Variants in MOB3B observed in about 807,000 individuals in gnomAD.
The protein encoded by MOB3B is MOB kinase activator-like 2B.
MOB3B carries 7 observed loss-of-function variants against 18.7 expected under a neutral mutation model. The observed-to-expected ratio is 0.37, with a 90% CI of 0.21 to 0.70. The LOEUF is 0.70. Among genes scored for constraint, MOB3B ranks in the 30% least tolerant of loss-of-function variants. MOB3B has a pLI of 0.52. For missense variants in MOB3B, 253 were observed against 281.3 expected (o/e 0.90, Z 0.72); for synonymous variants, 111 against 99.9 (o/e 1.11, Z -0.66).
chr9:27,354,391 T>A (rs1368433804), intron 3 of MOB3B, among the ~76,000 whole-genome samples: 1 of 152,224 alleles, frequency 6.6e-6, no homozygotes, highest in African/African-American at 2.4e-5. Context: ...GATTCAAGAT[T>A]TCCTGGGTGA....
chr9:27,346,127 T>C (rs542189572), intron 3 of MOB3B, among the ~76,000 whole-genome samples: 2 of 152,298 alleles, frequency 1.3e-5, no homozygotes, highest in East Asian at 3.9e-4. Context: ...GATGGGGGGC[T>C]TCCTTGCCCT....
chr9:27,469,918 C>A (rs1435967434), intron 1 of MOB3B, among the ~76,000 whole-genome samples: 1 of 151,902 alleles, frequency 6.6e-6, no homozygotes, highest in Non-Finnish European at 1.5e-5. Context: ...ACACCTTCCC[C>A]CTCCCCCAGC....
At chr9:27,504,909 CT>C (rs1820036577) in intron 1 of MOB3B, among the ~76,000 whole-genome samples, 1 of 152,146 alleles carries the variant, frequency 6.6e-6, no homozygotes, top group Non-Finnish European at 1.5e-5. Context: ...CTTCTGGAGG[CT>C]GCCTGCATTC....
intron 3 of MOB3B, among the ~76,000 whole-genome samples, chr9:27,339,027 G>A (rs1209755486): frequency 6.6e-6 from 1 of 152,140 alleles, no homozygotes; most frequent in Non-Finnish European, 1.5e-5. Context: ...TTTGTGTGAG[G>A]CTGTGGAGGG....
intron 2 of MOB3B, among the ~76,000 whole-genome samples, chr9:27,365,162 C>CAAAAAAAAAAGAAAA: frequency 9.1e-6 from 1 of 109,790 alleles, no homozygotes; most frequent in Non-Finnish European, 1.8e-5. Flanking sequence ...TTGGGGGAGG[C>CAAAAAAAAAAGAAAA]AAAAAAAAAA....
At chr9:27,336,409 C>T (rs1207862688) in intron 3 of MOB3B, among the ~76,000 whole-genome samples, 1 of 151,980 alleles carries the variant, frequency 6.6e-6, no homozygotes, top group African/African-American at 2.4e-5. Flanking sequence ...AACTCTGAGA[C>T]ACCAGGAGAA....
At chr9:27,480,337 T>C (rs1819629901) in intron 1 of MOB3B, among the ~76,000 whole-genome samples, 1 of 150,616 alleles carries the variant, frequency 6.6e-6, no homozygotes, top group Non-Finnish European at 1.5e-5. Flanking sequence ...TCTCGCTCTG[T>C]CACCCAGGCT....
At chr9:27,522,916 T>C (rs1820361670) in intron 1 of MOB3B, among the ~76,000 whole-genome samples, 1 of 150,396 alleles carries the variant, frequency 6.6e-6, no homozygotes, top group South Asian at 2.1e-4. Context: ...TAGAATAATA[T>C]ATATATATAT....
intron 2 of MOB3B, among the ~76,000 whole-genome samples, chr9:27,401,790 C>T (rs1279138123): frequency 8.5e-5 from 13 of 152,188 alleles, no homozygotes; most frequent in Non-Finnish European, 2.9e-5. Context: ...AGGTTAGAAA[C>T]TTATGGCAAA....
At chr9:27,480,747 T>C (rs1819636473) in intron 1 of MOB3B, among the ~76,000 whole-genome samples, 1 of 151,768 alleles carries the variant, frequency 6.6e-6, no homozygotes, top group Admixed American at 6.6e-5. Context: ...GTATAACTTC[T>C]AAAGTAGTAG....
At chr9:27,522,242 C>CAAA (rs1171362204) in intron 1 of MOB3B, among the ~76,000 whole-genome samples, 6,094 of 56,198 alleles carry the variant, frequency 0.11, 807 homozygotes, top group Non-Finnish European at 0.14. Flanking sequence ...CCCCGTCTCA[C>CAAA]AAAAAAAAAA....
intron 2 of MOB3B, among the ~76,000 whole-genome samples, chr9:27,441,700 T>G (rs951177715): frequency 2.0e-5 from 3 of 152,216 alleles, no homozygotes; most frequent in Non-Finnish European, 4.4e-5. Context: ...CACAGGTGAC[T>G]GAAACAGAGG....
chr9:27,389,590 C>G (rs529706477), intron 2 of MOB3B, among the ~76,000 whole-genome samples: 1 of 152,224 alleles, frequency 6.6e-6, no homozygotes, highest in East Asian at 1.9e-4. Flanking sequence ...CACAGCACTC[C>G]CCATCACTAG....
rs574318868 is a variant in MOB3B, at chr9:27,477,297, T to A, written c.-198-21549A>T. Reference sequence around the variant, plus strand: ...GGAGAAAACGGACTCACACCCCAGATACCAGCATGATTCTTCATTACTGCA... The same window carrying A: ...GGAGAAAACGGACTCACACCCCAGAAACCAGCATGATTCTTCATTACTGCA... On this transcript the variant is annotated intron_variant, in intron 1 of 3. Coordinates refer to ENST00000262244, the MANE Select transcript of MOB3B (RefSeq NM_024761.5). Among the ~76,000 whole-genome samples, 5 of 152,320 alleles carry A rather than the reference T, an allele frequency of 3.3e-5. No individual in the cohort carries two copies. The South Asian group carries it at 1.0e-3, about 32-fold the overall frequency.
intron 1 of MOB3B, among the ~76,000 whole-genome samples, chr9:27,526,696 A>T (rs1434876254): frequency 2.0e-5 from 3 of 152,248 alleles, no homozygotes; most frequent in African/African-American, 7.2e-5. Context: ...AAGAAAAAGG[A>T]TAACATCTCC....
chr9:27,514,762 C>G, intron 1 of MOB3B, among the ~76,000 whole-genome samples: 1 of 152,144 alleles, frequency 6.6e-6, no homozygotes, highest in East Asian at 1.9e-4. Flanking sequence ...TTCTGTAGCT[C>G]AACATGAGAA....
intron 1 of MOB3B, among the ~76,000 whole-genome samples, chr9:27,501,341 G>A (rs575230636): frequency 2.9e-4 from 44 of 152,116 alleles, no homozygotes; most frequent in African/African-American, 1.1e-3. Flanking sequence ...ACAAAGACTT[G>A]GAACCAACTC....
At chr9:27,440,565 T>G (rs1259332171) in intron 2 of MOB3B, among the ~76,000 whole-genome samples, 1 of 152,200 alleles carries the variant, frequency 6.6e-6, no homozygotes, top group Non-Finnish European at 1.5e-5. Context: ...GGTGAATAAC[T>G]GGTGGTGGTC....
intron 2 of MOB3B, among the ~76,000 whole-genome samples, chr9:27,387,031 G>T (rs772452617): frequency 2.6e-5 from 4 of 152,120 alleles, no homozygotes; most frequent in Non-Finnish European, 4.4e-5. Context: ...TTGCTTCTGC[G>T]TACCAAAATA....
Sources: allele counts gnomAD v4.1 joint callset (sites outside exome capture counted in the v4.1 genomes callset), GRCh38; gene constraint gnomAD v4.1.1; transcripts MANE v1.5; gene names NCBI Gene and HGNC (gene_info 2026-07-23, HGNC 2026-07-21).